PCDHA4: variants seen among roughly 807,000 people sequenced by gnomAD.
PCDHA4 encodes protocadherin alpha 4, also known as protocadherin alpha-4.
PCDHA4 carries 49 observed loss-of-function variants against 61.4 expected under a neutral mutation model. That is an observed-to-expected ratio of 0.80 (90% confidence interval 0.63 to 1.01). The LOEUF (loss-of-function observed/expected upper bound fraction) is 1.01, where lower values mean the gene tolerates loss of function less well. PCDHA4 is among the 50% of genes least tolerant of loss of function. PCDHA4 has a pLI of 0.00. For missense variants in PCDHA4, 1,254 were observed against 1,235.8 expected (o/e 1.01, Z -0.22); for synonymous variants, 590 against 550.3 (o/e 1.07, Z -1.01).
In PCDHA4 at chr5:140,808,796, G is replaced by C. The variant is rs782615790; in HGVS notation, c.1609G>C (p.Ala537Pro). The change falls in exon 1 of 4, where the codon GCT (alanine) becomes CCT (proline). Residue 537 changes from alanine to proline, a missense_variant. Physicochemically the swap from Ala to Pro is conservative, Grantham distance 27 (BLOSUM62 -1). Coordinates refer to ENST00000530339, the MANE Select transcript of PCDHA4 (RefSeq NM_018907.4). ...AGAGCTGCTGCAGTTTCAGGTGACCGCTCGCGATGCCGGCGTGCCACCTCT... is the reference window on the plus strand; with the variant it reads ...AGAGCTGCTGCAGTTTCAGGTGACCCCTCGCGATGCCGGCGTGCCACCTCT... ...ELELLQFQVTARDAGVPPLGS... is the reference protein window; with the variant it reads ...ELELLQFQVTPRDAGVPPLGS... The C allele has an allele frequency of 1.9e-6, 3 of 1,612,616 alleles. No homozygotes were observed. The highest frequency in any genetic ancestry group is 1.7e-5 in the Admixed American group (1 of 60,006).
At chr5:140,810,700 C>T (rs1160522767) in intron 1 of PCDHA4, 3 of 151,642 alleles carry the variant, frequency 2.0e-5, no homozygotes, top group Non-Finnish European at 4.4e-5. Flanking sequence ...TTCCATAGAA[C>T]TTTATTTATT....
intron 1 of PCDHA4, among the ~76,000 whole-genome samples, chr5:140,894,027 A>G (rs1251239546): frequency 6.6e-6 from 1 of 152,206 alleles, no homozygotes; most frequent in Non-Finnish European, 1.5e-5. Context: ...AGTTCTGCAT[A>G]CTGGTAATGT....
intron 1 of PCDHA4, among the ~76,000 whole-genome samples, chr5:140,893,817 C>G (rs951661016): frequency 6.6e-6 from 1 of 151,980 alleles, no homozygotes; most frequent in Admixed American, 6.6e-5. Flanking sequence ...AGTCTGGTAC[C>G]GTAGACTACT....
chr5:141,010,063 G>C lies in PCDHA4; in HGVS notation c.*126G>C, dbSNP rs1393265789. ...CTCTTAGAGACCTCAGAAATCTGCA[G>C]AAAGTTCCCTGTGTCTGTCTAGAAC... On this transcript the variant is annotated 3_prime_UTR_variant, in exon 4 of 4. Transcript: ENST00000530339. 31 of 1,602,790 alleles carry C rather than the reference G, an allele frequency of 1.9e-5. No individual in the cohort carries two copies. The highest frequency in any genetic ancestry group is 2.6e-5 in the Non-Finnish European group (31 of 1,174,498).
intron 1 of PCDHA4, chr5:140,824,633 A>ATTTTTTTTTTTT (rs1768300205): frequency 9.8e-6 from 1 of 102,004 alleles, no homozygotes; most frequent in Non-Finnish European, 1.9e-5. Flanking sequence ...TTTTTTTTTT[A>ATTTTTTTTTTTT]TTTTCTGTAG....
Position 140,897,056 on chromosome 5 carries a change from T to C in PCDHA4, c.2386-81893T>C, listed in dbSNP as rs147544543. Among the ~76,000 whole-genome samples the C allele has an allele frequency of 2.6e-3, 395 of 152,288 alleles. 2 individuals carry two copies. The highest frequency in any genetic ancestry group is 9.2e-3 in the African/African-American group (384 of 41,556). ...ATAGTCACCCTATTCTGCTGTCAAA[T>C]ACTATGTCTTATTCATTTTTTCTAT... On this transcript the variant is annotated intron_variant, in intron 1 of 3. Coordinates refer to ENST00000530339, the MANE Select transcript of PCDHA4 (RefSeq NM_018907.4).
intron 1 of PCDHA4, chr5:140,871,357 C>A: frequency 6.2e-7 from 1 of 1,614,196 alleles, no homozygotes; most frequent in Non-Finnish European, 8.5e-7. Flanking sequence ...ATACTCGCAG[C>A]AGAGGCGGCA....
At position 140,858,257 on chromosome 5, in the gene PCDHA4, C is replaced by G; in HGVS notation, c.2385+48685C>G. ...CGCATGTGGGCCGGTGAAGCCCACGCTGGTGTGCTCTAGCGCGGTGGGGAG... is the reference window on the plus strand; with the variant it reads ...CGCATGTGGGCCGGTGAAGCCCACGGTGGTGTGCTCTAGCGCGGTGGGGAG... On this transcript the variant is annotated intron_variant, in intron 1 of 3. Transcript: ENST00000530339. 2 of 1,596,668 alleles carry G rather than the reference C, an allele frequency of 1.3e-6. 1 individual carries two copies. Among genetic ancestry groups the G allele is most frequent in the Non-Finnish European group, 1.7e-6 (2 of 1,166,542 alleles).
chr5:140,828,695 A>G (rs2150158000), intron 1 of PCDHA4: 1 of 1,614,236 alleles, frequency 6.2e-7, no homozygotes, highest in South Asian at 1.1e-5. Flanking sequence ...ATCCTTGGAC[A>G]GAGAGGAAGC....
intron 1 of PCDHA4, among the ~76,000 whole-genome samples, chr5:140,924,894 CAAAA>C (rs782133089): frequency 1.1e-4 from 8 of 71,470 alleles, no homozygotes; most frequent in African/African-American, 3.4e-4. Flanking sequence ...GAACCTGTCT[CAAAA>C]AAAAAAATAA....
intron 1 of PCDHA4, among the ~76,000 whole-genome samples, chr5:140,965,496 AT>A (rs71766133): frequency 0.14 from 20,233 of 145,920 alleles, 1,374 homozygotes; most frequent in Middle Eastern, 0.21. Flanking sequence ...ATGACAGCAG[AT>A]TTTTTTTTTT....
intron 1 of PCDHA4, chr5:140,830,015 T>C (rs1770748975): frequency 1.7e-5 from 28 of 1,613,788 alleles, no homozygotes; most frequent in Non-Finnish European, 2.4e-5. Flanking sequence ...CGAAGCGGAC[T>C]CTCCGCGCCA....
At chr5:140,912,613 T>C in intron 1 of PCDHA4, among the ~76,000 whole-genome samples, 1 of 152,290 alleles carries the variant, frequency 6.6e-6, no homozygotes, top group Middle Eastern at 3.4e-3. Flanking sequence ...TCTTGTCTGA[T>C]TACTCTGGAT....
Position 140,877,714 on chromosome 5 carries a change from T to G in PCDHA4, c.2385+68142T>G, listed in dbSNP as rs781999747. 3.1e-6 allele frequency: 5 copies of G among 1,613,836 alleles called. No homozygotes were observed. The highest frequency in any genetic ancestry group is 4.2e-6 in the Non-Finnish European group (5 of 1,179,978). ...GGTGTGCTCCAGCGCCGTGGGGAGTTGGTCTTACTCGCAGCAGAGGAGGCA... is the reference window on the plus strand; with the variant it reads ...GGTGTGCTCCAGCGCCGTGGGGAGTGGGTCTTACTCGCAGCAGAGGAGGCA... On this transcript the variant is annotated intron_variant, in intron 1 of 3. Coordinates refer to ENST00000530339, the MANE Select transcript of PCDHA4 (RefSeq NM_018907.4).
At chr5:140,938,885 A>C (rs966791166) in intron 1 of PCDHA4, among the ~76,000 whole-genome samples, 9 of 152,144 alleles carry the variant, frequency 5.9e-5, no homozygotes, top group Non-Finnish European at 1.2e-4. Flanking sequence ...CAACACACAC[A>C]CACACAGATG....
At chr5:140,959,343 C>T (rs1370310453) in intron 1 of PCDHA4, among the ~76,000 whole-genome samples, 1 of 152,052 alleles carries the variant, frequency 6.6e-6, no homozygotes, top group Admixed American at 6.6e-5. Context: ...CTACTGCACT[C>T]CAGCGGGACA....
Position 140,927,036 on chromosome 5 carries a change from C to T in PCDHA4, c.2386-51913C>T, listed in dbSNP as rs137875923. 7.2e-5 allele frequency: 116 copies of T among 1,612,314 alleles called. No individual in the cohort carries two copies. In the African/African-American group the frequency reaches 1.3e-3, roughly 19 times the overall value. ...CCGCGGACTTGAGGCTGCCAGCGGC[C>T]GCTATGTCCTCGCGGAACTTTCGCT... On this transcript the variant is annotated intron_variant, in intron 1 of 3. Coordinates refer to ENST00000530339, the MANE Select transcript of PCDHA4 (RefSeq NM_018907.4).
At chr5:140,835,408 A>G (rs1554134951) in intron 1 of PCDHA4, 1 of 1,614,004 alleles carries the variant, frequency 6.2e-7, no homozygotes, top group Non-Finnish European at 8.5e-7. Context: ...GAAGTTGTGG[A>G]TGTAAATGAC....
At chr5:140,857,799 T>A (rs1554150681) in intron 1 of PCDHA4, 1 of 1,597,340 alleles carries the variant, frequency 6.3e-7, no homozygotes, top group Non-Finnish European at 8.6e-7. Flanking sequence ...CTGCGGTCGG[T>A]GGTTGCGGGT....
Sources: gnomAD v4.1 joint callset for allele counts (sites outside exome capture counted in the v4.1 genomes callset) on GRCh38, gnomAD v4.1.1 for gene constraint, MANE v1.5 for transcripts, NCBI Gene and HGNC (gene_info 2026-07-23, HGNC 2026-07-21) for gene names.